The following MRTFA variants were observed in gnomAD, a reference collection of about 807,000 sequenced individuals.
The protein encoded by MRTFA is myocardin-related transcription factor A.
Under a neutral mutation model 83.5 loss-of-function variants are expected in MRTFA, and 20 were observed. The observed-to-expected ratio is 0.24, with a 90% CI of 0.17 to 0.35. The LOEUF (loss-of-function observed/expected upper bound fraction) is 0.35. Among genes scored for constraint, MRTFA ranks in the 10% least tolerant of loss-of-function variants. The pLI is 1.00. For synonymous variants in MRTFA, 659 were observed against 541.2 expected, an observed-to-expected ratio of 1.22 and a Z score of -3.02; for missense variants, 1,200 against 1,224.7, an observed-to-expected ratio of 0.98 and a Z score of 0.30.
intron 4 of MRTFA, among the ~76,000 whole-genome samples, chr22:40,443,733 G>C (rs1569268180): frequency 6.6e-6 from 1 of 152,188 alleles, no homozygotes; most frequent in African/African-American, 2.4e-5. Context: ...ATCCTTGCAA[G>C]GGTGTAATGA....
At chr22:40,504,782 C>T (rs964924734) in intron 3 of MRTFA, among the ~76,000 whole-genome samples, 1 of 152,182 alleles carries the variant, frequency 6.6e-6, no homozygotes, top group African/African-American at 2.4e-5. Context: ...AATTATGAAA[C>T]ATTCCAAATT....
At position 40,419,231 on chromosome 22, in the gene MRTFA, C is replaced by T. The variant is rs766920620; in HGVS notation, c.1507G>A (p.Ala503Thr). ...GGGAAGGCTACCACCACCTCGCCAG[C>T]CTTGTGCAGGATAGAGGTGGCGGCA... The change falls in exon 12 of 15, where the codon GCT (alanine) becomes ACT (threonine). Residue 503 changes from alanine (A) to threonine (T), a missense_variant. Transcript: ENST00000355630. The T allele has an allele frequency of 5.0e-6, 8 of 1,608,950 alleles. No individual in the cohort carries two copies. The highest frequency in any genetic ancestry group is 6.8e-6 in the Non-Finnish European group (8 of 1,177,858).
At chr22:40,544,588 T>C (rs971843714) in intron 3 of MRTFA, among the ~76,000 whole-genome samples, 1 of 152,046 alleles carries the variant, frequency 6.6e-6, no homozygotes, top group Non-Finnish European at 1.5e-5. Context: ...AACCCCAAAG[T>C]GGGAGAAGAT....
At chr22:40,542,827 TA>T (rs1313113428) in intron 3 of MRTFA, among the ~76,000 whole-genome samples, 1 of 152,228 alleles carries the variant, frequency 6.6e-6, no homozygotes, top group Non-Finnish European at 1.5e-5. Context: ...GGGTCTGTAG[TA>T]TTAGCTCAGT....
intron 4 of MRTFA, among the ~76,000 whole-genome samples, chr22:40,438,445 G>A (rs2147105891): frequency 6.6e-6 from 1 of 152,154 alleles, no homozygotes; most frequent in Non-Finnish European, 1.5e-5. Flanking sequence ...AAAGGGTAAG[G>A]CACAAACCCA....
At chr22:40,483,183 C>A (rs1011332385) in intron 3 of MRTFA, among the ~76,000 whole-genome samples, 1 of 152,012 alleles carries the variant, frequency 6.6e-6, no homozygotes, top group Non-Finnish European at 1.5e-5. Context: ...ACCTCAGCCT[C>A]CCAAATAGCT....
intron 4 of MRTFA, among the ~76,000 whole-genome samples, chr22:40,458,693 C>T (rs925538230): frequency 6.6e-6 from 1 of 152,100 alleles, no homozygotes; most frequent in Non-Finnish European, 1.5e-5. Context: ...CAAAATACAG[C>T]CATAACTAAC....
At chr22:40,632,093 T>C (rs2056647534) in intron 1 of MRTFA, among the ~76,000 whole-genome samples, 1 of 152,224 alleles carries the variant, frequency 6.6e-6, no homozygotes, top group Non-Finnish European at 1.5e-5. Context: ...TGGTCTTTTG[T>C]ATTACATGCT....
intron 3 of MRTFA, among the ~76,000 whole-genome samples, chr22:40,477,714 T>C (rs73167066): frequency 0.082 from 12,395 of 151,770 alleles, 785 homozygotes; most frequent in East Asian, 0.24. Context: ...AATGATCTTA[T>C]ATCAAGCCAC....
At chr22:40,634,737 G>C (rs1347695136) in intron 1 of MRTFA, among the ~76,000 whole-genome samples, 4 of 152,214 alleles carry the variant, frequency 2.6e-5, no homozygotes, top group African/African-American at 9.6e-5. Context: ...AGTAGTACTT[G>C]TAATTACTAA....
chr22:40,530,343 C>A (rs867177333), intron 3 of MRTFA, among the ~76,000 whole-genome samples: 1 of 152,208 alleles, frequency 6.6e-6, no homozygotes, highest in Non-Finnish European at 1.5e-5. Context: ...GTCGCCCAGG[C>A]TGGAGTGCAG....
chr22:40,490,081 T>G (rs145434997), intron 3 of MRTFA, among the ~76,000 whole-genome samples: 181 of 151,646 alleles, frequency 1.2e-3, no homozygotes, highest in African/African-American at 4.1e-3. Context: ...TGCCTATAGG[T>G]TTTTTTTGCA....
intron 3 of MRTFA, among the ~76,000 whole-genome samples, chr22:40,479,410 C>CGCT (rs1236478080): frequency 6.6e-6 from 1 of 152,074 alleles, no homozygotes; most frequent in African/African-American, 2.4e-5. Context: ...CTGGGGCATC[C>CGCT]GCTGCTGCTG....
intron 3 of MRTFA, among the ~76,000 whole-genome samples, chr22:40,523,157 G>C (rs147329902): frequency 2.0e-5 from 3 of 150,490 alleles, no homozygotes; most frequent in Non-Finnish European, 4.4e-5. Flanking sequence ...AATTGTGAAC[G>C]TTTATCTAAC....
rs867796071 is a variant in MRTFA, at chr22:40,500,754, T to C, written c.242-37468A>G. 1.5e-4 allele frequency among the ~76,000 whole-genome samples: 22 copies of C among 150,462 alleles called. No individual in the cohort carries two copies. The South Asian group carries it at 4.2e-3, about 29-fold the overall frequency. On this transcript the variant is annotated intron_variant, in intron 3 of 14. Coordinates refer to ENST00000355630, the MANE Select transcript of MRTFA (RefSeq NM_020831.6). ...GGATCCCAAGGCAGAGGAATTTTTCTTAGTGCAGAACAAAATGAAAAGTCT... is the reference window on the plus strand; with the variant it reads ...GGATCCCAAGGCAGAGGAATTTTTCCTAGTGCAGAACAAAATGAAAAGTCT...
chr22:40,590,314 AATG>A (rs1196286018), intron 2 of MRTFA, among the ~76,000 whole-genome samples: 1 of 152,130 alleles, frequency 6.6e-6, no homozygotes, highest in Non-Finnish European at 1.5e-5. Context: ...GAACTCAACC[AATG>A]ATGAGATTTA....
chr22:40,493,899 C>T (rs1185719257), intron 3 of MRTFA, among the ~76,000 whole-genome samples: 1 of 152,166 alleles, frequency 6.6e-6, no homozygotes, highest in African/African-American at 2.4e-5. Flanking sequence ...AGTTCTGTGC[C>T]TGATGTAAAT....
chr22:40,516,801 A>T (rs1013602496), intron 3 of MRTFA, among the ~76,000 whole-genome samples: 1 of 152,238 alleles, frequency 6.6e-6, no homozygotes, highest in African/African-American at 2.4e-5. Context: ...AAAACAAGGA[A>T]GCTTCTATGC....
At chr22:40,483,139 T>C (rs2054118230) in intron 3 of MRTFA, among the ~76,000 whole-genome samples, 1 of 152,048 alleles carries the variant, frequency 6.6e-6, no homozygotes, top group Non-Finnish European at 1.5e-5. Flanking sequence ...CAGCTCACTG[T>C]AATCTCAAAC....
Sources: allele counts gnomAD v4.1 joint callset (sites outside exome capture counted in the v4.1 genomes callset), GRCh38; gene constraint gnomAD v4.1.1; transcripts MANE v1.5; gene names NCBI Gene and HGNC (gene_info 2026-07-23, HGNC 2026-07-21).